Variants in PCDH15 observed in about 807,000 individuals in gnomAD.
The protein encoded by PCDH15 is protocadherin-15.
A neutral mutation model predicts 178.5 loss-of-function variants in PCDH15; 129 were observed. The observed-to-expected ratio is 0.72, with a 90% confidence interval of 0.63 to 0.84. The LOEUF (loss-of-function observed/expected upper bound fraction) is 0.84. Ranked by LOEUF, PCDH15 falls within the 40% of genes least tolerant of loss-of-function variation. The pLI, the probability that PCDH15 is intolerant of heterozygous loss-of-function variation, is 0.00. For synonymous variants in PCDH15, 800 were observed against 732.0 expected, an observed-to-expected ratio of 1.09 and a Z score of -1.50; for missense variants, 2,230 against 2,099.9, an observed-to-expected ratio of 1.06 and a Z score of -1.21.
chr10:54,670,375 A>G (rs2094641685), intron 1 of PCDH15, among the ~76,000 whole-genome samples: 1 of 152,174 alleles, frequency 6.6e-6, no homozygotes, highest in African/African-American at 2.4e-5. Context: ...GCTATGGTGA[A>G]TTCTTGGAGA....
chr10:54,320,172 A>C (rs572065728), intron 7 of PCDH15, among the ~76,000 whole-genome samples: 1 of 152,116 alleles, frequency 6.6e-6, no homozygotes, highest in African/African-American at 2.4e-5. Context: ...TGTCACTAAA[A>C]GCAGATACTT....
chr10:55,283,516 G>A (rs891385294), intron 1 of PCDH15, among the ~76,000 whole-genome samples: 1 of 151,676 alleles, frequency 6.6e-6, no homozygotes, highest in Non-Finnish European at 1.5e-5. Context: ...CAGCGGGCAA[G>A]GAAAACCCAC....
chr10:55,134,426 T>G (rs2132080980), intron 2 of PCDH15, among the ~76,000 whole-genome samples: 1 of 152,332 alleles, frequency 6.6e-6, no homozygotes. Flanking sequence ...CTCCTTATTA[T>G]ACATTATCTT....
intron 2 of PCDH15, among the ~76,000 whole-genome samples, chr10:55,123,710 A>C (rs1313537057): frequency 6.6e-6 from 1 of 152,196 alleles, no homozygotes; most frequent in Admixed American, 6.6e-5. Flanking sequence ...TATATAACTC[A>C]AATCCCATAG....
chr10:54,503,520 A>T (rs1286377975), intron 3 of PCDH15, among the ~76,000 whole-genome samples: 1 of 146,162 alleles, frequency 6.8e-6, no homozygotes, highest in East Asian at 1.9e-4. Context: ...AGAATATTTA[A>T]AAAAAAAACT....
chr10:55,547,205 A>G (rs972783371), intron 2 of PCDH15, among the ~76,000 whole-genome samples: 2 of 152,154 alleles, frequency 1.3e-5, no homozygotes, highest in Admixed American at 1.3e-4. Flanking sequence ...CCCTTTAACT[A>G]ATATGAAGGC....
intron 17 of PCDH15, among the ~76,000 whole-genome samples, chr10:54,070,064 G>A (rs1274473054): frequency 2.0e-5 from 3 of 152,136 alleles, no homozygotes; most frequent in Non-Finnish European, 4.4e-5. Flanking sequence ...ATACTTGCAT[G>A]TTAGTACTAA....
intron 3 of PCDH15, among the ~76,000 whole-genome samples, chr10:54,413,796 CTTTCTGTTTCTGAGTTA>C (rs1302491731): frequency 6.6e-6 from 1 of 152,046 alleles, no homozygotes; most frequent in Non-Finnish European, 1.5e-5. Flanking sequence ...CGGTATTAGA[CTTTCTGTTTCTGAGTTA>C]TTTCACATAC....
intron 5 of PCDH15, among the ~76,000 whole-genome samples, chr10:54,358,670 CAAAGGACTAGA>C (rs1945465456): frequency 6.6e-6 from 1 of 151,962 alleles, no homozygotes. Flanking sequence ...GGTATATACC[CAAAGGACTAGA>C]AATCATGCTG....
chr10:55,105,061 TA>T (rs1170347656), intron 2 of PCDH15, among the ~76,000 whole-genome samples: 10 of 152,206 alleles, frequency 6.6e-5, no homozygotes, highest in African/African-American at 2.4e-4. Context: ...AGTTATGACT[TA>T]ATGCTGCATT....
At chr10:54,659,064 T>C (rs958177853) in intron 2 of PCDH15, among the ~76,000 whole-genome samples, 1 of 151,970 alleles carries the variant, frequency 6.6e-6, no homozygotes, top group African/African-American at 2.4e-5. Flanking sequence ...TTCAACAAGA[T>C]TTAACTGTCC....
intron 6 of PCDH15, among the ~76,000 whole-genome samples, chr10:54,345,353 G>A (rs1943065404): frequency 6.6e-6 from 1 of 151,976 alleles, no homozygotes; most frequent in Non-Finnish European, 1.5e-5. Context: ...GTAAAAATAA[G>A]GGCAAAATGT....
At chr10:54,058,302 T>C (rs904707288) in intron 18 of PCDH15, among the ~76,000 whole-genome samples, 1 of 152,176 alleles carries the variant, frequency 6.6e-6, no homozygotes, top group Non-Finnish European at 1.5e-5. Flanking sequence ...TGAGACTGGG[T>C]AATTTATCAA....
At chr10:54,691,839 T>A (rs575267076) in intron 1 of PCDH15, among the ~76,000 whole-genome samples, 13 of 152,062 alleles carry the variant, frequency 8.5e-5, no homozygotes, top group Non-Finnish European at 1.5e-4. Flanking sequence ...ACTCATAAAT[T>A]TAGCTTTACT....
chr10:55,411,361 T>A (rs1015351382), intron 2 of PCDH15, among the ~76,000 whole-genome samples: 2 of 152,072 alleles, frequency 1.3e-5, no homozygotes, highest in East Asian at 3.9e-4. Flanking sequence ...AATTGTGAAC[T>A]AAAATTAACA....
At chr10:55,254,205 T>A (rs1841925464) in intron 1 of PCDH15, among the ~76,000 whole-genome samples, 1 of 152,192 alleles carries the variant, frequency 6.6e-6, no homozygotes. Flanking sequence ...TATGTATGTC[T>A]AAAACCAATA....
At chr10:54,449,892 C>T (rs987025452) in intron 3 of PCDH15, among the ~76,000 whole-genome samples, 1 of 151,552 alleles carries the variant, frequency 6.6e-6, no homozygotes, top group African/African-American at 2.4e-5. Context: ...GAGAGACAAA[C>T]ATACATAGAA....
intron 2 of PCDH15, among the ~76,000 whole-genome samples, chr10:54,553,936 T>C (rs1230279638): frequency 6.6e-6 from 1 of 152,204 alleles, no homozygotes; most frequent in Non-Finnish European, 1.5e-5. Context: ...GCTGAACCCT[T>C]GCCTCATATA....
At chr10:55,472,114 G>T (rs1416232176) in intron 2 of PCDH15, among the ~76,000 whole-genome samples, 2 of 152,082 alleles carry the variant, frequency 1.3e-5, no homozygotes, top group South Asian at 4.2e-4. Flanking sequence ...CCTACTGTTT[G>T]TCTCCATTCT....
Sources: allele counts gnomAD v4.1 joint callset (sites outside exome capture counted in the v4.1 genomes callset), GRCh38; gene constraint gnomAD v4.1.1; transcripts MANE v1.5; gene names NCBI Gene and HGNC (gene_info 2026-07-23, HGNC 2026-07-21).